The following RAPGEF6 variants were observed in gnomAD, a reference collection of about 807,000 sequenced individuals.
RAPGEF6 encodes Rap guanine nucleotide exchange factor 6.
Under a neutral mutation model 171.4 loss-of-function variants are expected in RAPGEF6, and 56 were observed. That is an observed-to-expected ratio of 0.33 (90% CI 0.26 to 0.41). The LOEUF is 0.41. Ranked by LOEUF, RAPGEF6 falls within the 10% of genes least tolerant of loss-of-function variation. RAPGEF6 has a pLI of 1.00. For missense variants in RAPGEF6, 1,674 were observed against 1,921.4 expected (o/e 0.87, Z 2.41); for synonymous variants, 692 against 650.1 (o/e 1.06, Z -0.98).
intron 5 of RAPGEF6, among the ~76,000 whole-genome samples, chr5:131,550,304 AT>A (rs1760839726): frequency 6.6e-6 from 1 of 152,154 alleles, no homozygotes; most frequent in Admixed American, 6.5e-5. Context: ...CGGACCTCTA[AT>A]GTTTACACCA....
intron 15 of RAPGEF6, among the ~76,000 whole-genome samples, chr5:131,482,934 G>C (rs918910321): frequency 6.6e-6 from 1 of 152,238 alleles, no homozygotes; most frequent in Non-Finnish European, 1.5e-5. Context: ...GAACAAGCTA[G>C]AGATGAGGCC....
In RAPGEF6 at chr5:131,445,493, C is replaced by CTGTGTGTG. The variant is rs11269268; in HGVS notation, c.3421+982_3421+989dup. 4.5e-3 allele frequency among the ~76,000 whole-genome samples: 667 copies of CTGTGTGTG among 147,320 alleles called. 5 individuals carry two copies. The highest frequency in any genetic ancestry group is 0.016 in the African/African-American group (619 of 39,362). On this transcript the variant is annotated intron_variant, in intron 22 of 27. Transcript: ENST00000509018. Reference sequence around the variant, plus strand: ...TTTATGGGCAAATTTAACTCACTCTCTGTGTGTGTGTGTGTGTGTGTGTGT... The same window carrying CTGTGTGTG: ...TTTATGGGCAAATTTAACTCACTCTCTGTGTGTGTGTGTGTGTGTGTGTGTGTGTGTGT...
chr5:131,585,783 G>A (rs573869980), intron 4 of RAPGEF6, among the ~76,000 whole-genome samples: 73 of 152,230 alleles, frequency 4.8e-4, no homozygotes, highest in Middle Eastern at 3.4e-3. Flanking sequence ...CCAAGATCGC[G>A]CCATTGCACC....
intron 21 of RAPGEF6, chr5:131,450,157 T>C: frequency 8.4e-7 from 1 of 1,190,844 alleles, no homozygotes; most frequent in Non-Finnish European, 1.2e-6. Flanking sequence ...AACAGAAACA[T>C]TTTATCAGGA....
chr5:131,521,608 C>A (rs1201908026), intron 6 of RAPGEF6, 87 bp from the exon 7 acceptor site: 18 of 1,206,970 alleles, frequency 1.5e-5, no homozygotes, highest in Non-Finnish European at 2.0e-5. Flanking sequence ...TTTTTATGTA[C>A]ATTACTGTGC....
At chr5:131,633,788 A>T (rs527464933) in intron 1 of RAPGEF6, among the ~76,000 whole-genome samples, 1 of 152,370 alleles carries the variant, frequency 6.6e-6, no homozygotes, top group East Asian at 1.9e-4. Context: ...ACACATCGTA[A>T]GCCTTGTATA....
chr5:131,548,213 T>C, intron 5 of RAPGEF6, 23 bp from the exon 6 acceptor site: 1 of 1,609,154 alleles, frequency 6.2e-7, no homozygotes, highest in African/African-American at 1.3e-5. Flanking sequence ...TTCATATTCC[T>C]GATGAAATAT....
intron 17 of RAPGEF6, among the ~76,000 whole-genome samples, chr5:131,466,757 A>T (rs1362113305): frequency 6.6e-6 from 1 of 152,202 alleles, no homozygotes; most frequent in East Asian, 1.9e-4. Context: ...TAAATTGTCC[A>T]GTCTTGGGTA....
intron 17 of RAPGEF6, among the ~76,000 whole-genome samples, chr5:131,465,016 G>A (rs1754231683): frequency 1.3e-5 from 2 of 151,960 alleles, no homozygotes; most frequent in South Asian, 4.2e-4. Context: ...TTTGGTTACT[G>A]GTAAGACTCA....
At chr5:131,495,013 C>T (rs1433790626) in intron 13 of RAPGEF6, among the ~76,000 whole-genome samples, 5 of 152,052 alleles carry the variant, frequency 3.3e-5, no homozygotes, top group Non-Finnish European at 2.9e-5. Flanking sequence ...AAGATTTGGG[C>T]CAGGCGCCGT....
chr5:131,587,557 A>G (rs1007319708), intron 4 of RAPGEF6, among the ~76,000 whole-genome samples: 25 of 152,322 alleles, frequency 1.6e-4, no homozygotes, highest in Admixed American at 7.2e-4. Context: ...TCCCCATATT[A>G]TATTTCTCAA....
chr5:131,604,780 C>A, intron 1 of RAPGEF6, 87 bp from the exon 2 acceptor site: 1 of 1,437,018 alleles, frequency 7.0e-7, no homozygotes, highest in Middle Eastern at 2.5e-4. Context: ...TTTAAGCAAA[C>A]AACCACTTAT....
At chr5:131,577,819 C>CTCGCATT (rs1414384941) in intron 4 of RAPGEF6, among the ~76,000 whole-genome samples, 6 of 152,126 alleles carry the variant, frequency 3.9e-5, no homozygotes, top group African/African-American at 1.5e-4. Flanking sequence ...CTTAAACTCA[C>CTCGCATT]TCGCATTTCT....
intron 1 of RAPGEF6, among the ~76,000 whole-genome samples, chr5:131,633,942 G>A (rs1679357376): frequency 6.6e-6 from 1 of 152,168 alleles, no homozygotes; most frequent in Admixed American, 6.5e-5. Context: ...ACTCTGGAAA[G>A]TGGTAGAATT....
intron 1 of RAPGEF6, among the ~76,000 whole-genome samples, chr5:131,614,512 T>C (rs1025731262): frequency 6.6e-6 from 1 of 151,980 alleles, no homozygotes; most frequent in African/African-American, 2.4e-5. Context: ...GCTACATGCT[T>C]TTAAACAACT....
chr5:131,473,636 T>G (rs992210936), intron 16 of RAPGEF6, among the ~76,000 whole-genome samples: 2 of 152,222 alleles, frequency 1.3e-5, no homozygotes, highest in African/African-American at 2.4e-5. Context: ...TTGTCTATAT[T>G]TTATCAAATG....
At chr5:131,471,770 T>G (rs1754756894) in intron 17 of RAPGEF6, among the ~76,000 whole-genome samples, 1 of 152,162 alleles carries the variant, frequency 6.6e-6, no homozygotes, top group Non-Finnish European at 1.5e-5. Context: ...CATCCCACAC[T>G]GGAAGTCCAA....
intron 4 of RAPGEF6, among the ~76,000 whole-genome samples, chr5:131,578,681 G>A (rs535110596): frequency 3.9e-5 from 6 of 152,042 alleles, no homozygotes; most frequent in Non-Finnish European, 8.8e-5. Context: ...AACTTCCACC[G>A]TCCAAATGTT....
intron 4 of RAPGEF6, among the ~76,000 whole-genome samples, chr5:131,563,155 C>G (rs1255907570): frequency 6.6e-6 from 1 of 151,112 alleles, no homozygotes; most frequent in Non-Finnish European, 1.5e-5. Flanking sequence ...ATAAAGCAAC[C>G]AAAAGTATTA....
Sources: gnomAD v4.1 joint callset for allele counts (sites outside exome capture counted in the v4.1 genomes callset) on GRCh38, gnomAD v4.1.1 for gene constraint, MANE v1.5 for transcripts, NCBI Gene and HGNC (gene_info 2026-07-23, HGNC 2026-07-21) for gene names.